GPC5: variants seen among roughly 807,000 people sequenced by gnomAD.
GPC5 encodes the protein glypican 5.
Under a neutral mutation model 53.9 loss-of-function variants are expected in GPC5, and 47 were observed. That is an observed-to-expected ratio of 0.87 (90% CI 0.69 to 1.11). GPC5 has a LOEUF of 1.11. GPC5 is among the 50% of genes most tolerant of loss of function. The probability of loss-of-function intolerance (pLI) is 0.00; values close to 1 mark genes in which losing one functional copy is unlikely to be tolerated. For missense variants in GPC5, 748 were observed against 713.1 expected, an observed-to-expected ratio of 1.05 and a Z score of -0.56; for synonymous variants, 286 against 263.3, an observed-to-expected ratio of 1.09 and a Z score of -0.84.
chr13:92,370,491 T>C (rs892513309), intron 7 of GPC5, among the ~76,000 whole-genome samples: 2 of 151,228 alleles, frequency 1.3e-5, no homozygotes, highest in Non-Finnish European at 2.9e-5. Flanking sequence ...ACCAAGACAT[T>C]AGTGGTTTGC....
chr13:92,194,308 C>T (rs1194220388), intron 7 of GPC5, among the ~76,000 whole-genome samples: 1 of 152,200 alleles, frequency 6.6e-6, no homozygotes, highest in Admixed American at 6.5e-5. Flanking sequence ...GAGCAACACT[C>T]AGGACATGAC....
At chr13:91,677,537 TG>T (rs1280677142) in intron 2 of GPC5, among the ~76,000 whole-genome samples, 1 of 152,150 alleles carries the variant, frequency 6.6e-6, no homozygotes, top group Non-Finnish European at 1.5e-5. Context: ...GAGCTGGTTA[TG>T]GGGGCATTTG....
At chr13:91,527,254 A>AATGAGG (rs1444225368) in intron 2 of GPC5, among the ~76,000 whole-genome samples, 3 of 152,254 alleles carry the variant, frequency 2.0e-5, no homozygotes, top group Non-Finnish European at 4.4e-5. Context: ...TCCAAGATAC[A>AATGAGG]ATGAGGATAC....
chr13:92,022,563 A>G (rs2040767948), intron 6 of GPC5, among the ~76,000 whole-genome samples: 2 of 152,122 alleles, frequency 1.3e-5, no homozygotes, highest in South Asian at 4.1e-4. Context: ...AATAAATAAA[A>G]GCATATATTA....
chr13:91,572,222 TAC>T lies in GPC5; in HGVS notation c.326-120961_326-120960del, dbSNP rs1237005087. On this transcript the variant is annotated intron_variant, in intron 2 of 7. Coordinates refer to ENST00000377067, the MANE Select transcript of GPC5 (RefSeq NM_004466.6). The stretch of plus-strand genomic sequence containing the variant: ...ATATGTATATATACGTGTATATATA[TAC>T]ACATATGTATATACATGTGTATATA... Among the ~76,000 whole-genome samples the T allele has an allele frequency of 5.6e-4, 70 of 125,860 alleles. 9 individuals carry two copies. Among genetic ancestry groups the T allele is most frequent in the Non-Finnish European group, 6.9e-4 (45 of 64,900 alleles). The allele number at this position is 125,860 out of a possible 152,430, so 82.6% of individuals were successfully genotyped here.
chr13:91,884,268 G>T (rs913499414), intron 5 of GPC5, among the ~76,000 whole-genome samples: 3 of 152,110 alleles, frequency 2.0e-5, no homozygotes, highest in African/African-American at 7.2e-5. Context: ...CAAAGGAATA[G>T]AAATTGTTCT....
At position 92,277,870 on chromosome 13, in the gene GPC5, C is replaced by T. The variant is rs555316127; in HGVS notation, c.1561+132881C>T. On this transcript the variant is annotated intron_variant, in intron 7 of 7. Transcript: ENST00000377067. ...AAATATGATGGGCAGTAAGGTCTAA[C>T]TCCTGGCTTGATGGTATTTAGATAC... Among the ~76,000 whole-genome samples, 8 of 151,958 alleles carry T rather than the reference C, an allele frequency of 5.3e-5. No homozygotes were observed. In the South Asian group the frequency reaches 1.5e-3, roughly 28 times the overall value.
intron 7 of GPC5, among the ~76,000 whole-genome samples, chr13:92,511,839 T>C (rs1430651462): frequency 1.3e-5 from 2 of 152,168 alleles, no homozygotes; most frequent in Admixed American, 1.3e-4. Context: ...CATCATCTCA[T>C]GCAGCACTTT....
intron 7 of GPC5, among the ~76,000 whole-genome samples, chr13:92,657,046 T>G (rs1275860851): frequency 2.0e-5 from 3 of 152,150 alleles, no homozygotes; most frequent in Non-Finnish European, 4.4e-5. Flanking sequence ...AATGAAATAA[T>G]TTTAGGTAAT....
At chr13:92,493,321 G>T (rs1216343791) in intron 7 of GPC5, among the ~76,000 whole-genome samples, 1 of 152,154 alleles carries the variant, frequency 6.6e-6, no homozygotes, top group Non-Finnish European at 1.5e-5. Context: ...GATATCACTT[G>T]TATGCATATC....
chr13:91,584,932 C>T (rs191539025), intron 2 of GPC5, among the ~76,000 whole-genome samples: 1 of 152,208 alleles, frequency 6.6e-6, no homozygotes, highest in African/African-American at 2.4e-5. Context: ...AAAGGTAAAT[C>T]ACAAATAGGA....
intron 7 of GPC5, among the ~76,000 whole-genome samples, chr13:92,775,752 A>C (rs566780958): frequency 2.4e-4 from 36 of 152,322 alleles, no homozygotes; most frequent in Admixed American, 2.0e-3. Flanking sequence ...ATAAGAGTTC[A>C]GTTCTAAAGT....
At chr13:91,508,036 A>G (rs1300601925) in intron 2 of GPC5, among the ~76,000 whole-genome samples, 3 of 152,214 alleles carry the variant, frequency 2.0e-5, no homozygotes, top group Non-Finnish European at 4.4e-5. Context: ...TGAGAGATGT[A>G]GCAAAAATAT....
chr13:92,625,480 G>A (rs753647658), intron 7 of GPC5, among the ~76,000 whole-genome samples: 6 of 152,134 alleles, frequency 3.9e-5, no homozygotes, highest in African/African-American at 1.2e-4. Context: ...AATGTATAGC[G>A]TGAACTCAAG....
intron 7 of GPC5, among the ~76,000 whole-genome samples, chr13:92,507,141 C>G (rs969799979): frequency 6.6e-6 from 1 of 152,136 alleles, no homozygotes; most frequent in African/African-American, 2.4e-5. Context: ...GGAATTACTT[C>G]CATTGGTAAA....
intron 7 of GPC5, among the ~76,000 whole-genome samples, chr13:92,157,668 T>C (rs1261621353): frequency 6.6e-6 from 1 of 152,188 alleles, no homozygotes; most frequent in Non-Finnish European, 1.5e-5. Context: ...TAAAATTTAG[T>C]CAACATAAAG....
intron 7 of GPC5, among the ~76,000 whole-genome samples, chr13:92,230,605 G>C (rs909236147): frequency 3.3e-5 from 5 of 152,026 alleles, no homozygotes; most frequent in African/African-American, 1.2e-4. Flanking sequence ...CTTAGACCCT[G>C]CGTTTATTAA....
intron 7 of GPC5, among the ~76,000 whole-genome samples, chr13:92,650,342 A>C (rs9516109): frequency 0.57 from 85,989 of 151,928 alleles, 27,853 homozygotes; most frequent in Non-Finnish European, 0.75. Flanking sequence ...GTCCCTTCAC[A>C]CACTATAGGA....
intron 6 of GPC5, among the ~76,000 whole-genome samples, chr13:91,923,129 A>T (rs985009495): frequency 2.0e-5 from 3 of 152,196 alleles, no homozygotes; most frequent in African/African-American, 7.2e-5. Flanking sequence ...CAATCAATCA[A>T]TCAATCTCTC....
Sources: allele counts gnomAD v4.1 joint callset (sites outside exome capture counted in the v4.1 genomes callset), GRCh38; gene constraint gnomAD v4.1.1; transcripts MANE v1.5; gene names NCBI Gene and HGNC (gene_info 2026-07-23, HGNC 2026-07-21).